Variants in ATL2 observed in about 807,000 individuals in gnomAD.
ATL2 encodes the protein atlastin GTPase 2, also known as atlastin-2.
ATL2 carries 31 observed loss-of-function variants against 73.9 expected under a neutral mutation model. The observed-to-expected ratio is 0.42, with a 90% CI of 0.32 to 0.57. The LOEUF is 0.57. Among genes scored for constraint, ATL2 ranks in the 20% least tolerant of loss-of-function variants. ATL2 has a pLI of 0.14. For synonymous variants in ATL2, 291 were observed against 237.5 expected, an observed-to-expected ratio of 1.23 and a Z score of -2.07; for missense variants, 738 against 702.6, an observed-to-expected ratio of 1.05 and a Z score of -0.57.
intron 5 of ATL2, among the ~76,000 whole-genome samples, chr2:38,314,973 G>A (rs1045145902): frequency 2.0e-5 from 3 of 152,220 alleles, no homozygotes; most frequent in Admixed American, 6.5e-5. Flanking sequence ...GCTCGCAGAC[G>A]GGCGCAGCGG....
At chr2:38,321,866 C>T (rs1319978907) in intron 2 of ATL2, among the ~76,000 whole-genome samples, 1 of 152,064 alleles carries the variant, frequency 6.6e-6, no homozygotes, top group Non-Finnish European at 1.5e-5. Context: ...GTGCACACCA[C>T]CACACCTGGC....
intron 2 of ATL2, among the ~76,000 whole-genome samples, chr2:38,334,150 C>T (rs957809933): frequency 5.9e-5 from 9 of 151,428 alleles, no homozygotes; most frequent in African/African-American, 2.2e-4. Context: ...CTGCCTCAGC[C>T]TCCTGAGTAG....
chr2:38,334,644 G>C lies in ATL2; in HGVS notation c.363+8624C>G, dbSNP rs543894866. Among the ~76,000 whole-genome samples the C allele has an allele frequency of 5.9e-5, 9 of 151,382 alleles. No individual in the cohort carries two copies. The East Asian group carries it at 1.8e-3, about 30-fold the overall frequency. ...ACCTGGGAGGCGGAGGTTGCGGTGA[G>C]CCAAGATCGCGCCATTGCACTCCAG... On this transcript the variant is annotated intron_variant, in intron 2 of 12. Coordinates refer to ENST00000378954, the MANE Select transcript of ATL2 (RefSeq NM_001135673.4).
At chr2:38,296,825 C>T in intron 12 of ATL2, 1 of 1,385,754 alleles carries the variant, frequency 7.2e-7, no homozygotes, top group Non-Finnish European at 9.7e-7. Context: ...ACTTTAGATT[C>T]TTCCATTTAA....
intron 9 of ATL2, among the ~76,000 whole-genome samples, chr2:38,308,579 C>T (rs1434012692): frequency 6.6e-6 from 1 of 151,872 alleles, no homozygotes; most frequent in African/African-American, 2.4e-5. Context: ...ACTTACTATA[C>T]ATTTTAAAAT....
rs368908315 is a variant in ATL2 at position 38,343,261 on chromosome 2, T to C, written c.363+7A>G. 1 of 1,582,044 alleles carries C rather than the reference T, an allele frequency of 6.3e-7. No individual in the cohort carries two copies. The highest frequency in any genetic ancestry group is 8.5e-7 in the Non-Finnish European group (1 of 1,170,252). ...TTTAATTGGGTTCAATTTAAAAGAC[T>C]ATTCACCTTGTTATACATGTATCTA... On this transcript the variant is annotated splice_region_variant and intron_variant, in intron 2 of 12. Coordinates refer to ENST00000378954, the MANE Select transcript of ATL2 (RefSeq NM_001135673.4).
At chr2:38,340,251 A>T (rs1558429227) in intron 2 of ATL2, among the ~76,000 whole-genome samples, 1 of 145,588 alleles carries the variant, frequency 6.9e-6, no homozygotes, top group Non-Finnish European at 1.5e-5. Flanking sequence ...GGATGGTGGT[A>T]GTAAGGGTGT....
chr2:38,332,359 A>G lies in ATL2; in HGVS notation c.363+10909T>C, dbSNP rs74344469. On this transcript the variant is annotated intron_variant, in intron 2 of 12. Coordinates refer to ENST00000378954, the MANE Select transcript of ATL2 (RefSeq NM_001135673.4). ...GTAGCTGGAACTACAGATACACACC[A>G]CCACGCTCGGCTAATTTTTTGATTT... Among the ~76,000 whole-genome samples the G allele has an allele frequency of 7.1e-3, 1,078 of 152,162 alleles. 13 individuals are homozygous for G. The highest frequency in any genetic ancestry group is 0.057 in the East Asian group (292 of 5,164).
At chr2:38,339,927 G>T (rs965411105) in intron 2 of ATL2, among the ~76,000 whole-genome samples, 3 of 152,120 alleles carry the variant, frequency 2.0e-5, no homozygotes, top group Non-Finnish European at 2.9e-5. Context: ...CTGACCTCAG[G>T]TGATCTACCC....
chr2:38,294,080 A>G lies in ATL2; in HGVS notation c.*1914T>C, dbSNP rs193026207. Reference sequence around the variant, plus strand: ...AGGGTGGCAGAAGAAATAAAAAGACACTTTTCAGGTGGATTCTTTAAGAAC... The same window carrying G: ...AGGGTGGCAGAAGAAATAAAAAGACGCTTTTCAGGTGGATTCTTTAAGAAC... On this transcript the variant is annotated 3_prime_UTR_variant, in exon 13 of 13. Transcript: ENST00000378954. Among the ~76,000 whole-genome samples the G allele has an allele frequency of 4.7e-4, 72 of 152,354 alleles. No individual in the cohort carries two copies. Among genetic ancestry groups the G allele is most frequent in the African/African-American group, 1.7e-3 (71 of 41,592 alleles).
At chr2:38,307,932 T>C (rs1322599712) in intron 9 of ATL2, among the ~76,000 whole-genome samples, 3 of 152,146 alleles carry the variant, frequency 2.0e-5, no homozygotes, top group African/African-American at 7.2e-5. Context: ...TAAAATTGTT[T>C]TTATCCAAAA....
intron 1 of ATL2, among the ~76,000 whole-genome samples, chr2:38,355,146 G>C (rs1033967732): frequency 3.9e-5 from 6 of 152,066 alleles, no homozygotes; most frequent in Admixed American, 2.6e-4. Context: ...TTGTTTTTGA[G>C]ATGGAGTTTC....
rs1667848384 is a variant in ATL2 at position 38,313,135 on chromosome 2, A to G, written c.804+16T>C. 1.3e-6 allele frequency: 2 copies of G among 1,584,376 alleles called. No homozygotes were observed. On this transcript the variant is annotated intron_variant, in intron 7 of 12. Coordinates refer to ENST00000378954, the MANE Select transcript of ATL2 (RefSeq NM_001135673.4). Reference sequence around the variant, plus strand: ...CTTGGTGCTTATGTTCTCCTCTTTAAGCATTAGGGTCTTACCTGTAATCTC... The same window carrying G: ...CTTGGTGCTTATGTTCTCCTCTTTAGGCATTAGGGTCTTACCTGTAATCTC...
At chr2:38,340,379 AC>A (rs1558429367) in intron 2 of ATL2, among the ~76,000 whole-genome samples, 2 of 151,540 alleles carry the variant, frequency 1.3e-5, no homozygotes, top group Admixed American at 6.6e-5. Flanking sequence ...TCTAAAGCAC[AC>A]CCCTAAATAA....
chr2:38,374,832 A>C (rs1671872358), intron 1 of ATL2, among the ~76,000 whole-genome samples: 1 of 152,240 alleles, frequency 6.6e-6, no homozygotes, highest in Admixed American at 6.5e-5. Flanking sequence ...TATACTTGTG[A>C]ATATTCCAAA....
At chr2:38,351,151 T>TA (rs58516601) in intron 1 of ATL2, among the ~76,000 whole-genome samples, 1 of 152,020 alleles carries the variant, frequency 6.6e-6, no homozygotes, top group African/African-American at 2.4e-5. Flanking sequence ...AGTCTACTTA[T>TA]AAAAAAATTA....
chr2:38,371,020 T>A (rs1190889577), intron 1 of ATL2, among the ~76,000 whole-genome samples: 1 of 151,570 alleles, frequency 6.6e-6, no homozygotes, highest in East Asian at 1.9e-4. Flanking sequence ...ATGGCAAAAA[T>A]CAACTCCCCC....
intron 1 of ATL2, among the ~76,000 whole-genome samples, chr2:38,369,541 C>A (rs71439206): frequency 1.3e-5 from 2 of 151,646 alleles, no homozygotes; most frequent in Admixed American, 6.6e-5. Context: ...CCGCCTTAGC[C>A]TCCCAAAGTG....
chr2:38,357,593 A>G (rs1265073787), intron 1 of ATL2, among the ~76,000 whole-genome samples: 1 of 141,616 alleles, frequency 7.1e-6, no homozygotes. Context: ...CGGAGCTTGC[A>G]GTGAGCCAAG....
Sources: gnomAD v4.1 joint callset for allele counts (sites outside exome capture counted in the v4.1 genomes callset) on GRCh38, gnomAD v4.1.1 for gene constraint, MANE v1.5 for transcripts, NCBI Gene and HGNC (gene_info 2026-07-23, HGNC 2026-07-21) for gene names.